Variants in RNF150 observed in about 807,000 individuals in gnomAD.
RNF150 encodes ring finger protein 150.
A neutral mutation model predicts 39.3 loss-of-function variants in RNF150; 24 were observed. The ratio of observed to expected loss-of-function variants is 0.61; its 90% CI spans 0.44 to 0.86. RNF150 has a LOEUF of 0.86. Among genes scored for constraint, RNF150 ranks in the 40% least tolerant of loss-of-function variants. RNF150 has a pLI of 0.00. For missense variants in RNF150, 502 were observed against 587.8 expected (o/e 0.85, Z 1.51); for synonymous variants, 255 against 227.3 (o/e 1.12, Z -1.10).
intron 1 of RNF150, among the ~76,000 whole-genome samples, chr4:141,148,103 T>A (rs1486964472): frequency 1.3e-5 from 2 of 152,206 alleles, no homozygotes; most frequent in African/African-American, 4.8e-5. Flanking sequence ...CTAATAAAAT[T>A]AGTCTTAATA....
intron 1 of RNF150, among the ~76,000 whole-genome samples, chr4:141,005,942 G>A (rs1476221407): frequency 2.7e-5 from 4 of 145,864 alleles, no homozygotes; most frequent in African/African-American, 1.0e-4. Context: ...AGTGGCGGGC[G>A]CCTGTAGTCC....
upstream of RNF150, among the ~76,000 whole-genome samples, chr4:141,136,416 A>C (rs1727028310): frequency 6.6e-6 from 1 of 152,224 alleles, no homozygotes; most frequent in African/African-American, 2.4e-5. Context: ...AGAGAATTTG[A>C]GCCCAATTCA....
chr4:141,056,996 T>C (rs1025355210), intron 1 of RNF150, among the ~76,000 whole-genome samples: 4 of 152,192 alleles, frequency 2.6e-5, no homozygotes, highest in Non-Finnish European at 5.9e-5. Flanking sequence ...ACCTTGACTA[T>C]CCAAATACTA....
At chr4:140,921,259 G>T (rs1731128621) in intron 5 of RNF150, among the ~76,000 whole-genome samples, 1 of 151,452 alleles carries the variant, frequency 6.6e-6, no homozygotes, top group South Asian at 2.1e-4. Context: ...GAATCAAATA[G>T]ACACAATAAA....
chr4:141,006,068 C>CAAA (rs370503215), intron 1 of RNF150, among the ~76,000 whole-genome samples: 14 of 57,732 alleles, frequency 2.4e-4, no homozygotes, highest in African/African-American at 9.1e-4. Context: ...GACTCCGTCT[C>CAAA]AAAAAAAAAA....
chr4:140,911,573 G>C (rs1730608141), intron 5 of RNF150, among the ~76,000 whole-genome samples: 1 of 151,982 alleles, frequency 6.6e-6, no homozygotes, highest in African/African-American at 2.4e-5. Context: ...AGATTGAAAA[G>C]ATTCCTTTTT....
intron 1 of RNF150, among the ~76,000 whole-genome samples, chr4:140,995,287 G>A (rs941473443): frequency 5.3e-5 from 8 of 152,182 alleles, no homozygotes; most frequent in African/African-American, 1.9e-4. Context: ...AGCTTTTGTT[G>A]AAATGGCAAT....
intron 1 of RNF150, among the ~76,000 whole-genome samples, chr4:141,021,548 C>A (rs1735492629): frequency 6.6e-6 from 1 of 152,124 alleles, no homozygotes; most frequent in Admixed American, 6.6e-5. Context: ...GCTGTTTAGA[C>A]ATTTTGTTCC....
rs149273102 is a variant in RNF150 at position 141,099,564 on chromosome 4, A to G, written c.484+32761T>C. ...TGGAAACTTCACCCCAACCATGTGT[A>G]TCTTCACCAAAAGTGAGGAAAATTG... On this transcript the variant is annotated intron_variant, in intron 1 of 6. Coordinates refer to ENST00000515673, the MANE Select transcript of RNF150 (RefSeq NM_020724.2). Among the ~76,000 whole-genome samples the G allele has an allele frequency of 1.6e-4, 24 of 152,300 alleles. No homozygotes were observed. The East Asian group carries it at 4.6e-3, about 29-fold the overall frequency.
chr4:141,070,680 A>C (rs1488017527), intron 1 of RNF150, among the ~76,000 whole-genome samples: 2 of 138,022 alleles, frequency 1.4e-5, no homozygotes, highest in Non-Finnish European at 3.3e-5. Context: ...AACCACAATG[A>C]GATACCATCT....
chr4:141,155,763 A>G (rs949084509), intron 1 of RNF150, among the ~76,000 whole-genome samples: 3 of 152,142 alleles, frequency 2.0e-5, no homozygotes, highest in East Asian at 1.9e-4. Context: ...GAACGAGTCC[A>G]TGGTGCGTGG....
intron 1 of RNF150, among the ~76,000 whole-genome samples, chr4:140,989,245 AC>A (rs1734113773): frequency 6.6e-6 from 1 of 152,134 alleles, no homozygotes; most frequent in South Asian, 2.1e-4. Context: ...GACTTTTACA[AC>A]AAGGCAGAAT....
At position 140,903,534 on chromosome 4, in the gene RNF150, C is replaced by T. The variant is rs150100368; in HGVS notation, c.1198+7610G>A. Among the ~76,000 whole-genome samples the T allele has an allele frequency of 8.8e-4, 134 of 152,268 alleles. 1 individual carries two copies. Among genetic ancestry groups the T allele is most frequent in the African/African-American group, 3.1e-3 (127 of 41,548 alleles). On this transcript the variant is annotated intron_variant, in intron 6 of 6. Coordinates refer to ENST00000515673, the MANE Select transcript of RNF150 (RefSeq NM_020724.2). ...AGTGCTGACCTGCAAGCTGTGTTTC[C>T]TGCCATCAGCTGCTGCCTCACTGCC...
intron 1 of RNF150, among the ~76,000 whole-genome samples, chr4:141,121,755 G>A (rs192267710): frequency 2.0e-5 from 3 of 151,758 alleles, no homozygotes; most frequent in South Asian, 2.1e-4. Context: ...TATAGTTCTC[G>A]GGAAATTTAA....
At chr4:141,133,829 A>G (rs953082021), upstream of RNF150, among the ~76,000 whole-genome samples, 3 of 152,046 alleles carry the variant, frequency 2.0e-5, no homozygotes, top group South Asian at 2.1e-4. Context: ...TTCCAAAGCT[A>G]CCTCTGGAAT....
chr4:141,196,202 G>A (rs1728197932), intron 1 of RNF150, among the ~76,000 whole-genome samples: 1 of 152,128 alleles, frequency 6.6e-6, no homozygotes. Flanking sequence ...TTTTTACCAT[G>A]CTGCAGTTCT....
chr4:140,999,993 A>AAAGAAG (rs1169596089), intron 1 of RNF150, among the ~76,000 whole-genome samples: 2 of 63,306 alleles, frequency 3.2e-5, no homozygotes, highest in African/African-American at 1.1e-4. Flanking sequence ...GAAAAGAAGA[A>AAAGAAG]AAGAAGAAGA....
chr4:141,121,896 G>T (rs979252810), intron 1 of RNF150, among the ~76,000 whole-genome samples: 2 of 152,118 alleles, frequency 1.3e-5, no homozygotes, highest in African/African-American at 2.4e-5. Flanking sequence ...CCGCATAGTG[G>T]CTGTCAGACC....
chr4:141,163,471 C>T (rs1443472025), intron 1 of RNF150, among the ~76,000 whole-genome samples: 1 of 152,204 alleles, frequency 6.6e-6, no homozygotes, highest in East Asian at 1.9e-4. Context: ...CAGACTGCCT[C>T]CTTAACTGGG....
Sources: gnomAD v4.1 joint callset for allele counts (sites outside exome capture counted in the v4.1 genomes callset) on GRCh38, gnomAD v4.1.1 for gene constraint, MANE v1.5 for transcripts, NCBI Gene and HGNC (gene_info 2026-07-23, HGNC 2026-07-21) for gene names.